Variants in PLEKHA3 observed in about 807,000 individuals in gnomAD.
PLEKHA3 encodes pleckstrin homology domain containing A3.
In PLEKHA3, 19 loss-of-function variants were observed where a neutral mutation model predicts 39.2. That is an observed-to-expected ratio of 0.48 (90% CI 0.34 to 0.71). The LOEUF (loss-of-function observed/expected upper bound fraction) is 0.71, where lower values mean the gene tolerates loss of function less well. PLEKHA3 is among the 30% of genes least tolerant of loss of function. The probability of loss-of-function intolerance (pLI) is 0.01; values close to 1 mark genes in which losing one functional copy is unlikely to be tolerated. For missense variants in PLEKHA3, 253 were observed against 359.5 expected (o/e 0.70, Z 2.40); for synonymous variants, 97 against 118.6 (o/e 0.82, Z 1.18).
chr2:178,503,952 G>T lies in PLEKHA3; in HGVS notation c.*65G>T, dbSNP rs1685569571. The T allele has an allele frequency of 1.3e-6, 2 of 1,566,614 alleles. No individual in the cohort carries two copies. Among genetic ancestry groups the T allele is most frequent in the South Asian group, 2.3e-5 (2 of 88,316 alleles). Reference sequence around the variant, plus strand: ...CAAAAGCTGCTGTAATTAAACTATTGTTATAGGGAGTAGTTTTTTCCCTTA... The same window carrying T: ...CAAAAGCTGCTGTAATTAAACTATTTTTATAGGGAGTAGTTTTTTCCCTTA... On this transcript the variant is annotated 3_prime_UTR_variant, in exon 8 of 8. Coordinates refer to ENST00000234453, the MANE Select transcript of PLEKHA3 (RefSeq NM_019091.4).
Position 178,508,493 on chromosome 2 carries a change from C to A in PLEKHA3, c.*4606C>A, listed in dbSNP as rs1476112619. The A allele has an allele frequency of 6.6e-6, 1 of 152,280 alleles. No homozygotes were observed. Among genetic ancestry groups the A allele is most frequent in the Non-Finnish European group, 1.5e-5 (1 of 68,034 alleles). 9.4% of individuals were successfully genotyped at this position (152,280 alleles called of 1,614,324 possible). A position where few individuals can be genotyped will look rare whatever the true frequency, so the allele number is the denominator to read the frequency against. Reference sequence around the variant, plus strand: ...TGTTTTGGGCTCTTTCATTCTGAAGCCTTTCTTAGAAATCATCTATTCATA... The same window carrying A: ...TGTTTTGGGCTCTTTCATTCTGAAGACTTTCTTAGAAATCATCTATTCATA... On this transcript the variant is annotated 3_prime_UTR_variant, in exon 8 of 8. Coordinates refer to ENST00000234453, the MANE Select transcript of PLEKHA3 (RefSeq NM_019091.4).
At chr2:178,488,050 G>A (rs1012067682) in intron 2 of PLEKHA3, among the ~76,000 whole-genome samples, 1 of 151,950 alleles carries the variant, frequency 6.6e-6, no homozygotes, top group African/African-American at 2.4e-5. Context: ...AAGGCAGGCA[G>A]ATCGCTTGTG....
intron 2 of PLEKHA3, among the ~76,000 whole-genome samples, chr2:178,487,627 TG>T: frequency 6.6e-6 from 1 of 152,136 alleles, no homozygotes; most frequent in Non-Finnish European, 1.5e-5. Context: ...TTTGTAGAGA[TG>T]GGATTTCACC....
intron 1 of PLEKHA3, among the ~76,000 whole-genome samples, chr2:178,481,685 C>A (rs985899857): frequency 3.9e-5 from 6 of 152,202 alleles, no homozygotes; most frequent in African/African-American, 1.4e-4. Flanking sequence ...CATCAACCAA[C>A]AATGAAGGCA....
At chr2:178,491,183 G>A (rs548815995) in intron 3 of PLEKHA3, among the ~76,000 whole-genome samples, 1 of 151,894 alleles carries the variant, frequency 6.6e-6, no homozygotes, top group Non-Finnish European at 1.5e-5. Context: ...GCTAATTTTT[G>A]TATTTTTAGT....
chr2:178,512,846 T>C lies in PLEKHA3; in HGVS notation c.*8959T>C, dbSNP rs1395441987. On this transcript the variant is annotated 3_prime_UTR_variant, in exon 8 of 8. Coordinates refer to ENST00000234453, the MANE Select transcript of PLEKHA3 (RefSeq NM_019091.4). ...CTTTTTGAAAGCAATACCTGAGTTA[T>C]TAAGCAATCATTTAGACAGTATGAA... 1 of 153,794 alleles carries C rather than the reference T, an allele frequency of 6.5e-6. No homozygotes were observed. The highest frequency in any genetic ancestry group is 1.5e-5 in the Non-Finnish European group (1 of 68,048). 9.5% of individuals were successfully genotyped at this position (153,794 alleles called of 1,614,324 possible).
chr2:178,498,539 C>A (rs1187330314), intron 5 of PLEKHA3, among the ~76,000 whole-genome samples: 1 of 152,106 alleles, frequency 6.6e-6, no homozygotes, highest in African/African-American at 2.4e-5. Context: ...GGCTGCCTCC[C>A]TTTATATTTT....
chr2:178,499,333 G>T (rs1406953571), intron 6 of PLEKHA3, 79 bp downstream of exon 6: 5 of 1,416,962 alleles, frequency 3.5e-6, no homozygotes, highest in African/African-American at 1.4e-5. Context: ...TTAACAAGTG[G>T]TGTGGAATGT....
intron 3 of PLEKHA3, among the ~76,000 whole-genome samples, chr2:178,492,476 G>A (rs1272138378): frequency 3.7e-5 from 4 of 108,788 alleles, no homozygotes; most frequent in Non-Finnish European, 1.7e-5. Context: ...ATCATGTGGG[G>A]TGGGGGGAGG....
intron 2 of PLEKHA3, 36 bp from the exon 3 acceptor site, chr2:178,490,623 T>C (rs1685328786): frequency 1.3e-6 from 2 of 1,590,538 alleles, no homozygotes; most frequent in Non-Finnish European, 1.7e-6. Context: ...ATTACTTAAG[T>C]CTATAACTGT....
chr2:178,497,950 T>TA (rs955640789), intron 5 of PLEKHA3, among the ~76,000 whole-genome samples: 1 of 151,864 alleles, frequency 6.6e-6, no homozygotes, highest in African/African-American at 2.4e-5. Context: ...GTTTTTTTTT[T>TA]AAATAACATT....
intron 7 of PLEKHA3, among the ~76,000 whole-genome samples, chr2:178,501,614 T>C (rs1156668371): frequency 6.6e-6 from 1 of 152,014 alleles, no homozygotes; most frequent in African/African-American, 2.4e-5. Flanking sequence ...CAGTGAATTA[T>C]AGTAGCATTC....
chr2:178,494,619 C>A (rs1014987314), intron 4 of PLEKHA3, among the ~76,000 whole-genome samples: 4 of 152,144 alleles, frequency 2.6e-5, no homozygotes, highest in African/African-American at 9.7e-5. Flanking sequence ...GTGTAAGAAG[C>A]CCAAGGACAA....
intron 3 of PLEKHA3, among the ~76,000 whole-genome samples, chr2:178,492,539 G>A (rs1685365749): frequency 1.3e-5 from 2 of 151,034 alleles, no homozygotes; most frequent in Non-Finnish European, 1.5e-5. Context: ...AAGTTAGTAG[G>A]TGCAGCGCAC....
chr2:178,502,230 CTTT>C (rs146472277), intron 7 of PLEKHA3: 9 of 154,724 alleles, frequency 5.8e-5, no homozygotes, highest in South Asian at 1.5e-4. Flanking sequence ...TTGATAGAAT[CTTT>C]TTTTTTTTTT....
intron 3 of PLEKHA3, 108 bp downstream of exon 3, chr2:178,490,922 G>A: frequency 1.2e-6 from 1 of 864,022 alleles, no homozygotes; most frequent in Non-Finnish European, 1.7e-6. Flanking sequence ...GAAATAATTA[G>A]AAATGTAGAT....
chr2:178,493,939 A>G lies in PLEKHA3; in HGVS notation c.400A>G (p.Ile134Val). 1 of 1,614,112 alleles carries G rather than the reference A, an allele frequency of 6.2e-7. No homozygotes were observed. Among genetic ancestry groups the G allele is most frequent in the Non-Finnish European group, 8.5e-7 (1 of 1,179,980 alleles). ...CCTCTTAATGCAGCAAGTTCATACA[A>G]TACAGGAATTTGTTCACCATGATGA... ...CDLLMQQVHT[I>V]QEFVHHDENH... The change falls in exon 4 of 8, where the codon ATA becomes GTA. Residue 134 changes from isoleucine (I) to valine (V), a missense_variant. Ile to Val is a conservative substitution (Grantham distance 29). Transcript: ENST00000234453.
intron 7 of PLEKHA3, chr2:178,502,230 C>CTT (rs146472277): frequency 1.6e-4 from 24 of 154,692 alleles, no homozygotes; most frequent in South Asian, 4.5e-4. Context: ...TTGATAGAAT[C>CTT]TTTTTTTTTT....
chr2:178,508,029 G>A lies in PLEKHA3; in HGVS notation c.*4142G>A, dbSNP rs546251895. 2 of 150,418 alleles carry A rather than the reference G, an allele frequency of 1.3e-5. No individual in the cohort carries two copies. The highest frequency in any genetic ancestry group is 4.0e-4 in the East Asian group (2 of 4,966). 9.3% of individuals were successfully genotyped at this position (150,418 alleles called of 1,614,324 possible). ...ACTTGGTGGAATCTTTCAATTTAGAGATTTGTCTGCTTCAGTTCTGGGTGT... is the reference window on the plus strand; with the variant it reads ...ACTTGGTGGAATCTTTCAATTTAGAAATTTGTCTGCTTCAGTTCTGGGTGT... On this transcript the variant is annotated 3_prime_UTR_variant, in exon 8 of 8. Transcript: ENST00000234453.
Sources: gnomAD v4.1 joint callset for allele counts (sites outside exome capture counted in the v4.1 genomes callset) on GRCh38, gnomAD v4.1.1 for gene constraint, MANE v1.5 for transcripts, NCBI Gene and HGNC (gene_info 2026-07-23, HGNC 2026-07-21) for gene names.